The following DPP6 variants were observed in gnomAD, a reference collection of about 807,000 sequenced individuals.
The protein encoded by DPP6 is dipeptidyl peptidase like 6.
Under a neutral mutation model 122.6 loss-of-function variants are expected in DPP6, and 69 were observed. That is an observed-to-expected ratio of 0.56 (90% CI 0.46 to 0.69). The LOEUF is 0.69. DPP6 is among the 30% of genes least tolerant of loss of function. The pLI, the probability that DPP6 is intolerant of heterozygous loss-of-function variation, is 0.00. For synonymous variants in DPP6, 418 were observed against 433.1 expected, an observed-to-expected ratio of 0.97 and a Z score of 0.43; for missense variants, 928 against 1,116.9, an observed-to-expected ratio of 0.83 and a Z score of 2.41.
At chr7:154,636,063 T>C (rs1835710209) in intron 5 of DPP6, among the ~76,000 whole-genome samples, 1 of 152,190 alleles carries the variant, frequency 6.6e-6, no homozygotes, top group Non-Finnish European at 1.5e-5. Flanking sequence ...CTTTCCTTTA[T>C]CCTCTTCTTC....
At chr7:154,563,259 C>T (rs1830541406) in intron 4 of DPP6, among the ~76,000 whole-genome samples, 1 of 152,150 alleles carries the variant, frequency 6.6e-6, no homozygotes, top group African/African-American at 2.4e-5. Flanking sequence ...TTAGGATGGA[C>T]AGAGACTGGC....
Position 154,061,941 on chromosome 7 carries a change from G to A in DPP6, c.243+8878G>A, listed in dbSNP as rs868014355. ...TCTGAGGACCCCCATCGCAGGAGGG[G>A]GAGGCAACCCTGCGAGGGTGGGGAC... On this transcript the variant is annotated intron_variant, in intron 1 of 25. Transcript: ENST00000377770. Among the ~76,000 whole-genome samples, 246 of 133,028 alleles carry A rather than the reference G, an allele frequency of 1.8e-3. 19 individuals are homozygous for A. Among genetic ancestry groups the A allele is most frequent in the African/African-American group, 6.1e-3 (216 of 35,610 alleles). The allele number at this position is 133,028 out of a possible 152,430, so 87.3% of individuals were successfully genotyped here.
At chr7:154,066,068 T>G (rs1351451966) in intron 1 of DPP6, among the ~76,000 whole-genome samples, 1 of 151,656 alleles carries the variant, frequency 6.6e-6, no homozygotes, top group Non-Finnish European at 1.5e-5. Flanking sequence ...TACTTTTTTT[T>G]TTTTAATTTG....
At chr7:154,023,058 AC>A (rs1205257069) in intron 1 of DPP6, among the ~76,000 whole-genome samples, 1 of 151,882 alleles carries the variant, frequency 6.6e-6, no homozygotes, top group Non-Finnish European at 1.5e-5. Context: ...AGCTAGGATG[AC>A]CTCTGGATCC....
intron 1 of DPP6, among the ~76,000 whole-genome samples, chr7:154,141,755 A>G (rs1361691023): frequency 1.3e-5 from 2 of 152,220 alleles, no homozygotes; most frequent in African/African-American, 4.8e-5. Flanking sequence ...TTTCAAGTAA[A>G]TGACTTATAC....
chr7:153,774,456 T>A, the DPP6 span, among the ~76,000 whole-genome samples: 10 of 152,166 alleles, frequency 6.6e-5, no homozygotes, highest in Non-Finnish European at 1.3e-4. Flanking sequence ...GATATGTCAA[T>A]CATGTGAGGA....
intron 1 of DPP6, among the ~76,000 whole-genome samples, chr7:154,015,955 C>T (rs1196086486): frequency 2.0e-5 from 3 of 152,180 alleles, no homozygotes; most frequent in Non-Finnish European, 4.4e-5. Flanking sequence ...ATGGTGTGCA[C>T]GCCCTGTTCC....
At chr7:154,480,380 G>T (rs1292834674) in intron 3 of DPP6, among the ~76,000 whole-genome samples, 2 of 152,118 alleles carry the variant, frequency 1.3e-5, no homozygotes, top group East Asian at 3.9e-4. Context: ...AACTCCTCTT[G>T]TCAAGGTCAG....
chr7:154,669,520 C>T, intron 7 of DPP6, 79 bp downstream of exon 7: 1 of 1,517,260 alleles, frequency 6.6e-7, no homozygotes. Flanking sequence ...TCTCACTGTA[C>T]TCAGCCTGTA....
intron 16 of DPP6, among the ~76,000 whole-genome samples, chr7:154,819,286 G>A (rs547271646): frequency 4.1e-4 from 62 of 152,282 alleles, no homozygotes; most frequent in African/African-American, 1.3e-3. Context: ...GTGATGGCAC[G>A]TGCCTTTAAT....
At chr7:154,198,774 C>T (rs763591395) in intron 1 of DPP6, among the ~76,000 whole-genome samples, 2 of 152,172 alleles carry the variant, frequency 1.3e-5, no homozygotes, top group Non-Finnish European at 2.9e-5. Context: ...TTCAGAGCCT[C>T]TCTCCTCTGT....
chr7:153,918,521 T>TAA (rs1563005788), intron 1 of DPP6, among the ~76,000 whole-genome samples: 1 of 31,672 alleles, frequency 3.2e-5, no homozygotes, highest in Non-Finnish European at 6.3e-5. Context: ...AAGAGGTAAT[T>TAA]AAAACACACA....
intron 5 of DPP6, among the ~76,000 whole-genome samples, chr7:154,634,660 T>C (rs13220980): frequency 1.4e-5 from 2 of 140,496 alleles, no homozygotes; most frequent in Non-Finnish European, 3.3e-5. Flanking sequence ...CCTCCTCCTC[T>C]TCCTCCTCTT....
At chr7:154,867,904 C>T (rs892752089) in intron 17 of DPP6, 91 bp from the exon 18 acceptor site, 242 of 1,430,144 alleles carry the variant, frequency 1.7e-4, no homozygotes, top group Non-Finnish European at 2.0e-4. Flanking sequence ...CTGATGAAAG[C>T]AGCAGTTACG....
rs554447547 is a variant in DPP6, at chr7:154,644,386, C to T, written c.680+6513C>T. Among the ~76,000 whole-genome samples, 3 of 152,324 alleles carry T rather than the reference C, an allele frequency of 2.0e-5. No individual in the cohort carries two copies. The East Asian group carries it at 5.8e-4, about 29-fold the overall frequency. Reference sequence around the variant, plus strand: ...ATATTCCATGTCCCTCTAATTAAATCTGTGGCAGCCTGGGCTCCTTGTGAG... The same window carrying T: ...ATATTCCATGTCCCTCTAATTAAATTTGTGGCAGCCTGGGCTCCTTGTGAG... On this transcript the variant is annotated intron_variant, in intron 6 of 25. Transcript: ENST00000377770.
At chr7:153,919,081 A>G (rs375176520) in intron 1 of DPP6, among the ~76,000 whole-genome samples, 16 of 151,854 alleles carry the variant, frequency 1.1e-4, no homozygotes, top group African/African-American at 2.7e-4. Flanking sequence ...GCTGTACCCC[A>G]TTCAAAACAG....
the DPP6 span, among the ~76,000 whole-genome samples, chr7:153,866,014 G>T: frequency 6.6e-6 from 1 of 152,012 alleles, no homozygotes; most frequent in Admixed American, 6.5e-5. Flanking sequence ...AGTATTTCAT[G>T]GTGTATATGT....
chr7:154,196,341 T>C (rs1798865949), intron 1 of DPP6, among the ~76,000 whole-genome samples: 1 of 152,058 alleles, frequency 6.6e-6, no homozygotes, highest in Non-Finnish European at 1.5e-5. Flanking sequence ...AATACAAAAA[T>C]TAGCTGGGCA....
rs188234237 is a variant in DPP6 at position 154,410,605 on chromosome 7, G to A, written c.244-35609G>A. ...CTGATCTGTGGAGATAGGTGGAGGA[G>A]GTAGTGCTTGTTATAATTAAATAAT... is the stretch of plus-strand genomic sequence containing the variant. On this transcript the variant is annotated intron_variant, in intron 1 of 25. Coordinates refer to ENST00000377770, the MANE Select transcript of DPP6 (RefSeq NM_130797.4). Among the ~76,000 whole-genome samples, 610 of 152,262 alleles carry A rather than the reference G, an allele frequency of 4.0e-3. 5 individuals are homozygous for A. The highest frequency in any genetic ancestry group is 0.014 in the African/African-American group (579 of 41,548).
Sources: allele counts gnomAD v4.1 joint callset (sites outside exome capture counted in the v4.1 genomes callset), GRCh38; gene constraint gnomAD v4.1.1; transcripts MANE v1.5; gene names NCBI Gene and HGNC (gene_info 2026-07-23, HGNC 2026-07-21).